The following LRRC8C variants were observed in gnomAD, a reference collection of about 807,000 sequenced individuals.
LRRC8C encodes the protein leucine rich repeat containing 8 VRAC subunit C.
Under a neutral mutation model 55.3 loss-of-function variants are expected in LRRC8C, and 20 were observed. The observed-to-expected ratio is 0.36, with a 90% confidence interval of 0.25 to 0.53. The LOEUF is 0.53. Ranked by LOEUF, LRRC8C falls within the 20% of genes least tolerant of loss-of-function variation. The pLI, the probability that LRRC8C is intolerant of heterozygous loss-of-function variation, is 0.92. For synonymous variants in LRRC8C, 376 were observed against 360.7 expected, an observed-to-expected ratio of 1.04 and a Z score of -0.48; for missense variants, 659 against 951.4, an observed-to-expected ratio of 0.69 and a Z score of 4.04.
chr1:89,650,364 G>A (rs1570695365), intron 1 of LRRC8C, among the ~76,000 whole-genome samples: 1 of 152,208 alleles, frequency 6.6e-6, no homozygotes, highest in Admixed American at 6.5e-5. Flanking sequence ...TGAAAGGAAT[G>A]TTAGAATAAC....
intron 1 of LRRC8C, among the ~76,000 whole-genome samples, chr1:89,659,061 TTGTGTGTGTGTGTGTGTG>T (rs71084956): frequency 5.6e-5 from 3 of 53,976 alleles, no homozygotes; most frequent in African/African-American, 1.9e-4. Flanking sequence ...TTTTTTTTTT[TTGTGTGTGTGTGTGTGTG>T]TGTGTGTGTG....
chr1:89,647,413 T>C (rs561549510), intron 1 of LRRC8C, among the ~76,000 whole-genome samples: 34 of 152,348 alleles, frequency 2.2e-4, no homozygotes, highest in African/African-American at 8.2e-4. Flanking sequence ...TATTTACTAA[T>C]AACTGTATCA....
At chr1:89,623,218 G>A in the LRRC8C span, among the ~76,000 whole-genome samples, 1 of 151,532 alleles carries the variant, frequency 6.6e-6, no homozygotes, top group African/African-American at 2.4e-5. Flanking sequence ...ATGTAACATG[G>A]TAATTCCTTT....
In LRRC8C at chr1:89,646,555, T is replaced by C. The variant is rs1032449300; in HGVS notation, c.-5+13233T>C. On this transcript the variant is annotated intron_variant, in intron 1 of 2. Transcript: ENST00000370454. ...CTCCTTTATTATTTCAGTAGATGCA[T>C]TCAATATTTTCAGCATCTAGTAATG... 3.3e-5 allele frequency among the ~76,000 whole-genome samples: 5 copies of C among 152,152 alleles called. No homozygotes were observed. The South Asian group carries it at 8.3e-4, about 25-fold the overall frequency.
chr1:89,674,958 A>G (rs6667017), intron 1 of LRRC8C, among the ~76,000 whole-genome samples: 87,894 of 151,976 alleles, frequency 0.58, 26,429 homozygotes, highest in South Asian at 0.74. Context: ...TGTTTAACCT[A>G]GCTGGAAATT....
At chr1:89,682,477 G>A (rs930648264) in intron 1 of LRRC8C, among the ~76,000 whole-genome samples, 2 of 152,222 alleles carry the variant, frequency 1.3e-5, no homozygotes, top group East Asian at 1.9e-4. Flanking sequence ...CCTCTACCTC[G>A]GTTCTCAAAG....
chr1:89,707,331 C>T lies in LRRC8C; in HGVS notation c.139-5378C>T, dbSNP rs182540446. Among the ~76,000 whole-genome samples, 90 of 152,040 alleles carry T rather than the reference C, an allele frequency of 5.9e-4. 1 individual carries two copies. Among genetic ancestry groups the T allele is most frequent in the African/African-American group, 1.7e-3 (70 of 41,388 alleles). ...CTGAGGCAGAAGAATCACTTGAACC[C>T]GGGAGGCGGAGGTTGCAGTGAGCTG... On this transcript the variant is annotated intron_variant, in intron 2 of 2. Transcript: ENST00000370454.
Position 89,713,196 on chromosome 1 carries a change from A to G in LRRC8C, c.626A>G (p.Asn209Ser), listed in dbSNP as rs762140957. ...IQSGPEDSLVNSQSLKSIPEK... is the reference protein window; with the variant it reads ...IQSGPEDSLVSSQSLKSIPEK... ...TCTGGTCCAGAAGACAGCCTGGTCAACTCTCAGTCTTTAAAGTCCATTCCT... is the reference window on the plus strand; with the variant it reads ...TCTGGTCCAGAAGACAGCCTGGTCAGCTCTCAGTCTTTAAAGTCCATTCCT... The change falls in exon 3 of 3, where the codon AAC (asparagine) becomes AGC (serine). Residue 209 changes from asparagine to serine, a missense_variant. This residue lies in a region of LRRC8C where 200 missense variants were observed against 360.5 expected (regional missense o/e 0.55). Coordinates refer to ENST00000370454, the MANE Select transcript of LRRC8C (RefSeq NM_032270.5). The surrounding 1 kb of genome is among the most constrained non-coding windows in gnomAD (Gnocchi z 5.2). 6.2e-7 allele frequency: 1 copy of G among 1,614,108 alleles called. No homozygotes were observed. The highest frequency in any genetic ancestry group is 1.1e-5 in the South Asian group (1 of 91,074).
chr1:89,673,211 C>G (rs773375465), intron 1 of LRRC8C, among the ~76,000 whole-genome samples: 2 of 151,950 alleles, frequency 1.3e-5, no homozygotes, highest in Non-Finnish European at 2.9e-5. Flanking sequence ...TTAAACCTCC[C>G]AATTTAACAA....
chr1:89,658,334 T>C (rs868730202), intron 1 of LRRC8C, among the ~76,000 whole-genome samples: 10 of 152,220 alleles, frequency 6.6e-5, no homozygotes, highest in African/African-American at 2.2e-4. Context: ...TATTAACTTA[T>C]TCGGGTGTGT....
At chr1:89,648,410 T>C (rs1450782025) in intron 1 of LRRC8C, among the ~76,000 whole-genome samples, 1 of 152,206 alleles carries the variant, frequency 6.6e-6, no homozygotes, top group African/African-American at 2.4e-5. Context: ...TTCATTGTTG[T>C]TGGGTACATC....
At chr1:89,657,881 A>G (rs1656995423) in intron 1 of LRRC8C, among the ~76,000 whole-genome samples, 1 of 152,202 alleles carries the variant, frequency 6.6e-6, no homozygotes, top group Non-Finnish European at 1.5e-5. Context: ...AGAATATTTT[A>G]TAAACAAAAA....
At chr1:89,708,918 T>C (rs1474531163) in intron 2 of LRRC8C, among the ~76,000 whole-genome samples, 1 of 152,236 alleles carries the variant, frequency 6.6e-6, no homozygotes, top group Admixed American at 6.5e-5. Context: ...CAACATGAGA[T>C]GCTACTGTTC....
At chr1:89,626,101 CT>C in the LRRC8C span, among the ~76,000 whole-genome samples, 1 of 152,156 alleles carries the variant, frequency 6.6e-6, no homozygotes, top group East Asian at 1.9e-4. Context: ...CACATGCAAA[CT>C]TTTTAGAACA....
At chr1:89,618,320 A>G in the LRRC8C span, among the ~76,000 whole-genome samples, 1 of 152,128 alleles carries the variant, frequency 6.6e-6, no homozygotes, top group East Asian at 1.9e-4. Context: ...AGACCAATAT[A>G]CTCTTTATTA....
At chr1:89,629,946 G>A (rs1656063202), upstream of LRRC8C, among the ~76,000 whole-genome samples, 1 of 152,116 alleles carries the variant, frequency 6.6e-6, no homozygotes, top group Non-Finnish European at 1.5e-5. Context: ...ATCACCTGAG[G>A]TCAGGAGTTT....
chr1:89,633,662 G>A (rs1286112795), intron 1 of LRRC8C, among the ~76,000 whole-genome samples: 1 of 152,080 alleles, frequency 6.6e-6, no homozygotes, highest in African/African-American at 2.4e-5. Context: ...GGGGAAATGC[G>A]TCCGTGGCCG....
chr1:89,656,433 C>T (rs1270562263), intron 1 of LRRC8C, among the ~76,000 whole-genome samples: 1 of 152,178 alleles, frequency 6.6e-6, no homozygotes, highest in Non-Finnish European at 1.5e-5. Context: ...TTTCTTAAAA[C>T]TTCAGGTCAT....
At chr1:89,687,930 A>G (rs921829716) in intron 2 of LRRC8C, among the ~76,000 whole-genome samples, 4 of 152,212 alleles carry the variant, frequency 2.6e-5, no homozygotes, top group African/African-American at 7.2e-5. Context: ...AATAGTGAAC[A>G]CATACTGCTT....
Sources: gnomAD v4.1 joint callset for allele counts (sites outside exome capture counted in the v4.1 genomes callset) on GRCh38, gnomAD v4.1.1 for gene constraint, gnomAD v4.1.1 regional missense constraint, Gnocchi (gnomAD v3.1) non-coding constraint, MANE v1.5 for transcripts, NCBI Gene and HGNC (gene_info 2026-07-23, HGNC 2026-07-21) for gene names.